Variants in PRKN observed in about 807,000 individuals in gnomAD.
PRKN encodes the protein parkin RBR E3 ubiquitin protein ligase.
In PRKN, 56 loss-of-function variants were observed where a neutral mutation model predicts 59.5. The ratio of observed to expected loss-of-function variants is 0.94; its 90% CI spans 0.76 to 1.18. The LOEUF (loss-of-function observed/expected upper bound fraction) is 1.18, where lower values mean the gene tolerates loss of function less well. Among genes scored for constraint, PRKN ranks in the 50% most tolerant of loss-of-function variants. The probability of loss-of-function intolerance (pLI) is 0.00; values close to 1 mark genes in which losing one functional copy is unlikely to be tolerated. For missense variants in PRKN, 657 were observed against 596.4 expected, an observed-to-expected ratio of 1.10 and a Z score of -1.06; for synonymous variants, 250 against 222.1, an observed-to-expected ratio of 1.13 and a Z score of -1.12.
chr6:162,181,834 A>G (rs6939040), intron 4 of PRKN, among the ~76,000 whole-genome samples: 85,317 of 151,964 alleles, frequency 0.56, 24,440 homozygotes, highest in Non-Finnish European at 0.63. Flanking sequence ...AGGGGTAGGA[A>G]AGAAGTTGAG....
chr6:162,696,798 G>T (rs906286340), intron 1 of PRKN, among the ~76,000 whole-genome samples: 1 of 151,714 alleles, frequency 6.6e-6, no homozygotes, highest in Non-Finnish European at 1.5e-5. Flanking sequence ...CATCTACCTC[G>T]GCCTCCCAAG....
intron 2 of PRKN, among the ~76,000 whole-genome samples, chr6:162,282,878 TAA>T (rs1038348072): frequency 6.6e-6 from 1 of 152,190 alleles, no homozygotes; most frequent in Admixed American, 6.5e-5. Context: ...TCTGAAATTT[TAA>T]AAAGTCTAAG....
In PRKN at chr6:162,408,361, T is replaced by C. The variant is rs193182254; in HGVS notation, c.171+34949A>G. ...AATAAGACTTCCAGAAGAATGTCTG[T>C]CAAAGTTGTACCAAGAACATTTTGA... On this transcript the variant is annotated intron_variant, in intron 2 of 11. Transcript: ENST00000366898. Among the ~76,000 whole-genome samples, 151 of 152,108 alleles carry C rather than the reference T, an allele frequency of 9.9e-4. 2 individuals carry two copies. The highest frequency in any genetic ancestry group is 3.5e-3 in the African/African-American group (147 of 41,514).
intron 9 of PRKN, among the ~76,000 whole-genome samples, chr6:161,510,951 C>T (rs1778364867): frequency 6.6e-6 from 1 of 152,138 alleles, no homozygotes; most frequent in Admixed American, 6.5e-5. Flanking sequence ...TCAAAAGAAG[C>T]CAGTCCAGAC....
intron 9 of PRKN, among the ~76,000 whole-genome samples, chr6:161,464,045 G>A (rs1345340570): frequency 6.6e-6 from 1 of 151,888 alleles, no homozygotes; most frequent in Non-Finnish European, 1.5e-5. Context: ...TCAGAGTTTT[G>A]CTCTTGTTGC....
rs1221115109 is a variant in PRKN at position 161,498,159 on chromosome 6, T to C, written c.1083+50695A>G. ...AAAGACAAATTATTGTTAATCAATT[T>C]CTAACCTATACTATTCATAATTTAG... is the stretch of plus-strand genomic sequence containing the variant. On this transcript the variant is annotated intron_variant, in intron 9 of 11. Coordinates refer to ENST00000366898, the MANE Select transcript of PRKN (RefSeq NM_004562.3). This position sits in a 1 kb window ranked among gnomAD's most constrained non-coding sequence, Gnocchi z 4.2. Among the ~76,000 whole-genome samples, 1 of 152,352 alleles carries C rather than the reference T, an allele frequency of 6.6e-6. No homozygotes were observed. The highest frequency in any genetic ancestry group is 1.9e-4 in the East Asian group (1 of 5,184).
In PRKN at chr6:161,706,173, A is replaced by G. The variant is rs114603928; in HGVS notation, c.871+79599T>C. 5.5e-3 allele frequency among the ~76,000 whole-genome samples: 837 copies of G among 152,190 alleles called. 8 individuals carry two copies. The highest frequency in any genetic ancestry group is 0.019 in the African/African-American group (769 of 41,528). Reference sequence around the variant, plus strand: ...GATTCATCCTGTCCTAATGCACTCAACATCAACTGGATGCTGTCATGGCTT... The same window carrying G: ...GATTCATCCTGTCCTAATGCACTCAGCATCAACTGGATGCTGTCATGGCTT... On this transcript the variant is annotated intron_variant, in intron 7 of 11. Transcript: ENST00000366898.
chr6:161,659,307 T>C (rs1784462348), intron 7 of PRKN, among the ~76,000 whole-genome samples: 2 of 152,206 alleles, frequency 1.3e-5, no homozygotes, highest in Admixed American at 1.3e-4. Context: ...TTTCTTAATA[T>C]AGGAGTCCAG....
At chr6:161,493,431 G>T (rs1390178149) in intron 9 of PRKN, among the ~76,000 whole-genome samples, 3 of 152,144 alleles carry the variant, frequency 2.0e-5, no homozygotes, top group African/African-American at 7.2e-5. Flanking sequence ...GCTGAGATTT[G>T]AACTCAGAAA....
At chr6:162,590,027 T>C (rs1325813409) in intron 1 of PRKN, among the ~76,000 whole-genome samples, 1 of 152,186 alleles carries the variant, frequency 6.6e-6, no homozygotes, top group Non-Finnish European at 1.5e-5. Flanking sequence ...ACCAAGTAAA[T>C]GTATTAGTCA....
intron 1 of PRKN, among the ~76,000 whole-genome samples, chr6:162,476,256 G>A (rs1281017719): frequency 6.6e-6 from 1 of 151,416 alleles, no homozygotes; most frequent in Non-Finnish European, 1.5e-5. Flanking sequence ...ATTTTTAGTA[G>A]ATACGGGGTT....
chr6:161,939,975 C>T (rs931508690), intron 6 of PRKN, among the ~76,000 whole-genome samples: 4 of 151,724 alleles, frequency 2.6e-5, no homozygotes, highest in East Asian at 1.9e-4. Context: ...CTCGGCTCAC[C>T]GCAACCTCTG....
At chr6:161,601,880 C>T (rs1194317551) in intron 7 of PRKN, among the ~76,000 whole-genome samples, 4 of 152,146 alleles carry the variant, frequency 2.6e-5, no homozygotes, top group Non-Finnish European at 5.9e-5. Flanking sequence ...CCGCGCCCGG[C>T]ATATAGTGGA....
In PRKN at chr6:161,431,609, C is replaced by A. The variant is rs186431003; in HGVS notation, c.1084-44732G>T. Among the ~76,000 whole-genome samples, 618 of 151,210 alleles carry A rather than the reference C, an allele frequency of 4.1e-3. 8 individuals carry two copies. Among genetic ancestry groups the A allele is most frequent in the African/African-American group, 0.014 (593 of 41,222 alleles). Reference sequence around the variant, plus strand: ...TTTCTTTCTTTCTTTCTTTTCTTTTCTTTTTCTTTTTCTTTTTTTTTGAGA... The same window carrying A: ...TTTCTTTCTTTCTTTCTTTTCTTTTATTTTTCTTTTTCTTTTTTTTTGAGA... On this transcript the variant is annotated intron_variant, in intron 9 of 11. Coordinates refer to ENST00000366898, the MANE Select transcript of PRKN (RefSeq NM_004562.3).
chr6:161,738,826 A>G (rs1053543649), intron 7 of PRKN, among the ~76,000 whole-genome samples: 1 of 152,214 alleles, frequency 6.6e-6, no homozygotes, highest in African/African-American at 2.4e-5. Flanking sequence ...GTGATATTCT[A>G]TTGACCATAA....
At chr6:161,973,803 G>A (rs1053334642) in intron 5 of PRKN, among the ~76,000 whole-genome samples, 14 of 152,172 alleles carry the variant, frequency 9.2e-5, no homozygotes, top group Non-Finnish European at 5.9e-5. Context: ...AGGTGCCCAC[G>A]GGTCAAACAG....
At chr6:162,694,760 T>C (rs1777910068) in intron 1 of PRKN, 1 of 152,256 alleles carries the variant, frequency 6.6e-6, no homozygotes, top group Non-Finnish European at 1.5e-5. Flanking sequence ...TTCATCTGGA[T>C]CACATATTCA....
chr6:161,984,355 T>C (rs577526028), intron 5 of PRKN, among the ~76,000 whole-genome samples: 4 of 152,156 alleles, frequency 2.6e-5, no homozygotes, highest in Non-Finnish European at 5.9e-5. Flanking sequence ...TCCCGTGGGT[T>C]CAAGCAATTC....
At chr6:161,874,542 ATG>A (rs1172513363) in intron 6 of PRKN, among the ~76,000 whole-genome samples, 47 of 112,710 alleles carry the variant, frequency 4.2e-4, no homozygotes, top group African/African-American at 1.7e-3. Context: ...AATATATATT[ATG>A]TAAAATATAT....
Sources: allele counts gnomAD v4.1 joint callset (sites outside exome capture counted in the v4.1 genomes callset), GRCh38; gene constraint gnomAD v4.1.1; non-coding constraint Gnocchi (gnomAD v3.1); transcripts MANE v1.5; gene names NCBI Gene and HGNC (gene_info 2026-07-23, HGNC 2026-07-21).